MBOAT1: variants seen among roughly 807,000 people sequenced by gnomAD.
The protein encoded by MBOAT1 is membrane-bound glycerophospholipid O-acyltransferase 1.
Under a neutral mutation model 64.4 loss-of-function variants are expected in MBOAT1, and 67 were observed. The ratio of observed to expected loss-of-function variants is 1.04; its 90% CI spans 0.85 to 1.27. The LOEUF (loss-of-function observed/expected upper bound fraction) is 1.27. Among genes scored for constraint, MBOAT1 ranks in the 50% most tolerant of loss-of-function variants. The pLI, the probability that MBOAT1 is intolerant of heterozygous loss-of-function variation, is 0.00. For missense variants in MBOAT1, 563 were observed against 604.6 expected (o/e 0.93, Z 0.72); for synonymous variants, 229 against 218.9 (o/e 1.05, Z -0.41).
intron 12 of MBOAT1, 110 bp from the exon 13 acceptor site, chr6:20,102,522 TAGG>T (rs1759832021): frequency 1.2e-6 from 1 of 869,108 alleles, no homozygotes. Context: ...CTTTTGGCAG[TAGG>T]AGGCCTGTCT....
At position 20,124,618 on chromosome 6, in the gene MBOAT1, T is replaced by C; in HGVS notation, c.715-18A>G. The C allele has an allele frequency of 6.2e-7, 1 of 1,612,850 alleles. No homozygotes were observed. Among genetic ancestry groups the C allele is most frequent in the Non-Finnish European group, 8.5e-7 (1 of 1,179,214 alleles). Reference sequence around the variant, plus strand: ...ACAGCTCCCTGAAAATGGGGAAAAATCAGTGTCACCGTGCAGAAGGCTCAG... The same window carrying C: ...ACAGCTCCCTGAAAATGGGGAAAAACCAGTGTCACCGTGCAGAAGGCTCAG... On this transcript the variant is annotated intron_variant, in intron 7 of 12. Transcript: ENST00000324607.
At chr6:20,108,900 A>G (rs1300271768) in intron 12 of MBOAT1, among the ~76,000 whole-genome samples, 1 of 152,252 alleles carries the variant, frequency 6.6e-6, no homozygotes, top group African/African-American at 2.4e-5. Context: ...AACTTGTCAA[A>G]GATCACACAC....
At chr6:20,199,272 AAC>A (rs1203720395) in intron 1 of MBOAT1, among the ~76,000 whole-genome samples, 1 of 152,224 alleles carries the variant, frequency 6.6e-6, no homozygotes, top group Non-Finnish European at 1.5e-5. Context: ...ATTAAGATGA[AAC>A]AGAGCTTCAC....
chr6:20,174,778 A>G (rs1762294858), intron 1 of MBOAT1, among the ~76,000 whole-genome samples: 1 of 152,242 alleles, frequency 6.6e-6, no homozygotes, highest in Non-Finnish European at 1.5e-5. Context: ...TATGTAGTAC[A>G]TGACTGTATA....
At chr6:20,200,539 G>A (rs1409594565) in intron 1 of MBOAT1, among the ~76,000 whole-genome samples, 1 of 152,142 alleles carries the variant, frequency 6.6e-6, no homozygotes, top group Non-Finnish European at 1.5e-5. Flanking sequence ...TAAGGCACAA[G>A]AGATGAGGGA....
chr6:20,153,456 A>G (rs996210195), intron 1 of MBOAT1, among the ~76,000 whole-genome samples: 4 of 152,178 alleles, frequency 2.6e-5, no homozygotes, highest in African/African-American at 9.6e-5. Flanking sequence ...AAGTTTGACA[A>G]AAGAGCTCCC....
At chr6:20,118,185 C>CT (rs1174158437) in intron 9 of MBOAT1, among the ~76,000 whole-genome samples, 2 of 151,710 alleles carry the variant, frequency 1.3e-5, no homozygotes, top group Non-Finnish European at 2.9e-5. Flanking sequence ...TTTCCGGGCT[C>CT]TTTTTCAGAT....
At chr6:20,163,373 T>C (rs1761920489) in intron 1 of MBOAT1, among the ~76,000 whole-genome samples, 1 of 152,240 alleles carries the variant, frequency 6.6e-6, no homozygotes, top group African/African-American at 2.4e-5. Context: ...TCATACTTTA[T>C]TGTTAATAAT....
At chr6:20,103,534 C>A (rs1393396200) in intron 12 of MBOAT1, among the ~76,000 whole-genome samples, 2 of 151,974 alleles carry the variant, frequency 1.3e-5, no homozygotes, top group African/African-American at 2.4e-5. Context: ...TGGGTTCAAA[C>A]GATTCTCCTG....
chr6:20,210,605 C>A (rs73729934), intron 1 of MBOAT1, among the ~76,000 whole-genome samples: 16,363 of 149,550 alleles, frequency 0.11, 1,247 homozygotes, highest in African/African-American at 0.22. Flanking sequence ...CTCCCTCCCT[C>A]CCAGTTTTAA....
At position 20,150,741 on chromosome 6, in the gene MBOAT1, G is replaced by GTT. The variant is rs202226295; in HGVS notation, c.323+442_323+443dup. ...ACTACGCCCAGCTAATTTTTTTTGG[G>GTT]TTTTTTTTTTTTGTATTTTTAGTAG... On this transcript the variant is annotated intron_variant, in intron 3 of 12. Coordinates refer to ENST00000324607, the MANE Select transcript of MBOAT1 (RefSeq NM_001080480.3). Among the ~76,000 whole-genome samples, 91 of 140,888 alleles carry GTT rather than the reference G, an allele frequency of 6.5e-4. No individual in the cohort carries two copies. In the East Asian group the frequency reaches 9.4e-3, roughly 14 times the overall value. 92.4% of individuals were successfully genotyped at this position (140,888 alleles called of 152,430 possible). A position where few individuals can be genotyped will look rare whatever the true frequency, so the allele number is the denominator to read the frequency against.
intron 1 of MBOAT1, among the ~76,000 whole-genome samples, chr6:20,168,626 GAGAAGAGAAGAGAA>G (rs1451958027): frequency 1.8e-4 from 23 of 128,744 alleles, no homozygotes; most frequent in East Asian, 4.4e-4. Context: ...GAGAAGAGAA[GAGAAGAGAAGAGAA>G]GAGAGGAGAG....
chr6:20,144,315 T>G lies in MBOAT1; in HGVS notation c.324A>C (p.Arg108Ser), dbSNP rs749532284. The G allele has an allele frequency of 6.9e-6, 11 of 1,590,030 alleles. No homozygotes were observed. The South Asian group carries it at 1.2e-4, about 18-fold the overall frequency. ...MVTASVSNIHRYSFFVAMGYL... is the reference protein window; with the variant it reads ...MVTASVSNIHSYSFFVAMGYL... ...ATCCCATTGCTACAAAAAAGGAATA[T>G]CTGAAAGCAAAAACATAGATGATCA... is the stretch of plus-strand genomic sequence containing the variant. The change falls in exon 4 of 13, where the codon AGA (arginine) becomes AGC (serine). Residue 108 changes from arginine to serine, a missense_variant and splice_region_variant. Coordinates refer to ENST00000324607, the MANE Select transcript of MBOAT1 (RefSeq NM_001080480.3).
intron 12 of MBOAT1, among the ~76,000 whole-genome samples, chr6:20,107,219 C>G (rs953126249): frequency 2.0e-5 from 3 of 152,134 alleles, no homozygotes; most frequent in Non-Finnish European, 4.4e-5. Flanking sequence ...TGATACCTAC[C>G]CCACCGCTCT....
At chr6:20,175,709 C>A (rs1762324748) in intron 1 of MBOAT1, among the ~76,000 whole-genome samples, 1 of 151,526 alleles carries the variant, frequency 6.6e-6, no homozygotes, top group Non-Finnish European at 1.5e-5. Flanking sequence ...TGAGCTCAGG[C>A]AATCCACTCG....
intron 1 of MBOAT1, among the ~76,000 whole-genome samples, chr6:20,160,048 A>G (rs1052953256): frequency 3.3e-5 from 5 of 152,338 alleles, no homozygotes; most frequent in African/African-American, 1.2e-4. Context: ...GACATAGCTC[A>G]GATTCAGCAA....
At chr6:20,197,314 C>T (rs763284171) in intron 1 of MBOAT1, among the ~76,000 whole-genome samples, 1 of 152,108 alleles carries the variant, frequency 6.6e-6, no homozygotes, top group Non-Finnish European at 1.5e-5. Flanking sequence ...AACTGCATCA[C>T]GTAAACCTGC....
chr6:20,110,530 A>AAATAAT (rs200242152), intron 11 of MBOAT1, among the ~76,000 whole-genome samples: 91 of 151,108 alleles, frequency 6.0e-4, no homozygotes, highest in Admixed American at 1.6e-3. Flanking sequence ...TTTCTTATTA[A>AAATAAT]AATAATAATA....
chr6:20,210,061 T>C (rs1763376500), intron 1 of MBOAT1, among the ~76,000 whole-genome samples: 1 of 152,236 alleles, frequency 6.6e-6, no homozygotes, highest in Non-Finnish European at 1.5e-5. Flanking sequence ...TTAAAGTCTG[T>C]TCATTTCAGC....
Sources: gnomAD v4.1 joint callset for allele counts (sites outside exome capture counted in the v4.1 genomes callset) on GRCh38, gnomAD v4.1.1 for gene constraint, MANE v1.5 for transcripts, NCBI Gene and HGNC (gene_info 2026-07-23, HGNC 2026-07-21) for gene names.